The following RBFOX1 variants were observed in gnomAD, a reference collection of about 807,000 sequenced individuals.
The protein encoded by RBFOX1 is RNA binding protein fox-1 homolog 1.
A neutral mutation model predicts 57.7 loss-of-function variants in RBFOX1; 8 were observed. The ratio of observed to expected loss-of-function variants is 0.14; its 90% CI spans 0.08 to 0.25. The LOEUF (loss-of-function observed/expected upper bound fraction) is 0.25, where lower values mean the gene tolerates loss of function less well. RBFOX1 is among the 10% of genes least tolerant of loss of function. The probability of loss-of-function intolerance (pLI) is 1.00; values close to 1 mark genes in which losing one functional copy is unlikely to be tolerated. For synonymous variants in RBFOX1, 326 were observed against 222.4 expected (o/e 1.47, Z -4.15); for missense variants, 611 against 548.5 (o/e 1.11, Z -1.14).
At chr16:7,135,612 A>T (rs2071703364) in intron 4 of RBFOX1, among the ~76,000 whole-genome samples, 2 of 152,254 alleles carry the variant, frequency 1.3e-5, no homozygotes. Flanking sequence ...TAAACTTTGT[A>T]GTTGTTAATT....
rs138572003 is a variant in RBFOX1 at position 7,418,025 on chromosome 16, C to T, written c.28-100122C>T. Among the ~76,000 whole-genome samples, 4 of 152,228 alleles carry T rather than the reference C, an allele frequency of 2.6e-5. No individual in the cohort carries two copies. The South Asian group carries it at 8.3e-4, about 32-fold the overall frequency. On this transcript the variant is annotated intron_variant, in intron 4 of 15. Coordinates refer to ENST00000550418, the MANE Select transcript of RBFOX1 (RefSeq NM_018723.4). ...CCAGATGTCACTGTGTGGAGGTCCT[C>T]TATAGATTTTCAGATCACATTCAGT...
chr16:5,584,074 G>A (rs1221920686), intron 2 of RBFOX1, among the ~76,000 whole-genome samples: 1 of 152,188 alleles, frequency 6.6e-6, no homozygotes, highest in Non-Finnish European at 1.5e-5. Flanking sequence ...AGTGGCCTGT[G>A]ATGTCATGTG....
At chr16:6,527,402 C>A (rs2096596069) in intron 2 of RBFOX1, among the ~76,000 whole-genome samples, 1 of 152,022 alleles carries the variant, frequency 6.6e-6, no homozygotes, top group Non-Finnish European at 1.5e-5. Flanking sequence ...GCTACTTCGT[C>A]CTTCCCCCCA....
intron 15 of RBFOX1, chr16:7,709,646 G>A (rs1172547354): frequency 6.5e-7 from 1 of 1,528,742 alleles, no homozygotes; most frequent in Non-Finnish European, 8.8e-7. Context: ...AAATAGAGAG[G>A]GGCACACTTT....
chr16:6,848,136 G>A (rs1240038189), intron 3 of RBFOX1, among the ~76,000 whole-genome samples: 3 of 152,094 alleles, frequency 2.0e-5, no homozygotes, highest in East Asian at 1.9e-4. Flanking sequence ...CCCGATCCAA[G>A]ACTGTCTAAT....
chr16:6,847,939 C>T (rs763646671), intron 3 of RBFOX1, among the ~76,000 whole-genome samples: 30 of 151,996 alleles, frequency 2.0e-4, no homozygotes, highest in Admixed American at 3.3e-4. Context: ...AAGCAATTAT[C>T]CTGCCTCAGC....
intron 5 of RBFOX1, among the ~76,000 whole-genome samples, chr16:7,569,801 G>T (rs902335062): frequency 1.3e-5 from 2 of 152,068 alleles, no homozygotes; most frequent in Admixed American, 6.6e-5. Flanking sequence ...CTAGGAAGTT[G>T]GGATTGCAGT....
At chr16:6,340,815 C>T (rs2010737) in intron 2 of RBFOX1, among the ~76,000 whole-genome samples, 64,306 of 151,818 alleles carry the variant, frequency 0.42, 14,395 homozygotes, top group African/African-American at 0.55. Flanking sequence ...CCTCCTTTTA[C>T]GCAGCCCCTA....
At position 6,188,689 on chromosome 16, in the gene RBFOX1, G is replaced by A. The variant is rs528327056; in HGVS notation, c.-126-128306G>A. The stretch of plus-strand genomic sequence containing the variant: ...AGCTGTGAATGAAAAAATCTTGGAA[G>A]TAATGAGACTACACTGAATGAAGTG... On this transcript the variant is annotated intron_variant, in intron 1 of 15. Coordinates refer to ENST00000550418, the MANE Select transcript of RBFOX1 (RefSeq NM_018723.4). 3.3e-5 allele frequency among the ~76,000 whole-genome samples: 5 copies of A among 152,280 alleles called. No individual in the cohort carries two copies. The East Asian group carries it at 5.8e-4, about 18-fold the overall frequency.
intron 2 of RBFOX1, among the ~76,000 whole-genome samples, chr16:6,444,879 T>C (rs142099324): frequency 2.0e-5 from 3 of 152,212 alleles, no homozygotes; most frequent in East Asian, 1.9e-4. Flanking sequence ...ACACACAGGT[T>C]TGAAGCAGAA....
At chr16:7,104,692 G>A (rs1017346302) in intron 4 of RBFOX1, among the ~76,000 whole-genome samples, 4 of 152,124 alleles carry the variant, frequency 2.6e-5, no homozygotes, top group African/African-American at 9.7e-5. Context: ...CATATTCATG[G>A]TCAGTGGAGT....
chr16:5,998,567 A>G (rs2060530565), intron 4 of RBFOX1, among the ~76,000 whole-genome samples: 1 of 152,172 alleles, frequency 6.6e-6, no homozygotes, highest in African/African-American at 2.4e-5. Flanking sequence ...CCCAGCATAT[A>G]AAATGGATCA....
intron 3 of RBFOX1, among the ~76,000 whole-genome samples, chr16:5,827,842 C>T (rs2056119742): frequency 6.6e-6 from 1 of 151,988 alleles, no homozygotes; most frequent in Non-Finnish European, 1.5e-5. Flanking sequence ...GCCATCCATC[C>T]ATCCACCCAC....
chr16:6,647,325 A>G (rs1268630135), intron 2 of RBFOX1, among the ~76,000 whole-genome samples: 2 of 152,112 alleles, frequency 1.3e-5, no homozygotes. Flanking sequence ...GGCTCGCTGC[A>G]ACTTCCGCCT....
At chr16:6,999,222 TTTA>T (rs537490100) in intron 3 of RBFOX1, among the ~76,000 whole-genome samples, 3,257 of 106,512 alleles carry the variant, frequency 0.031, 83 homozygotes, top group Non-Finnish European at 0.049. Flanking sequence ...ATTTATTTTT[TTTA>T]TTTATTTTTT....
rs146987836 is a variant in RBFOX1, at chr16:6,831,163, A to C, written c.-16+176513A>C. 1.1e-3 allele frequency among the ~76,000 whole-genome samples: 168 copies of C among 152,278 alleles called. 1 individual carries two copies. In the East Asian group the frequency reaches 0.02, roughly 18 times the overall value. On this transcript the variant is annotated intron_variant, in intron 3 of 15. Transcript: ENST00000550418. ...AAGCGGTTTTGCTCATTATAATTTC[A>C]TTAGCATATTTGGAGGTGGGGAATG...
At chr16:6,568,097 G>A (rs1436015262) in intron 2 of RBFOX1, among the ~76,000 whole-genome samples, 3 of 152,140 alleles carry the variant, frequency 2.0e-5, no homozygotes, top group Non-Finnish European at 2.9e-5. Flanking sequence ...GCAGCTTTAC[G>A]GGTAATGACA....
rs71142625 is a variant in RBFOX1 at position 5,497,638 on chromosome 16, A to AAAAAAT, written c.258+30384_258+30385insAAAAAT. Among the ~76,000 whole-genome samples the AAAAAAT allele has an allele frequency of 7.1e-3, 987 of 139,424 alleles. 42 individuals are homozygous for AAAAAAT. The highest frequency in any genetic ancestry group is 0.028 in the African/African-American group (944 of 33,738). 91.5% of individuals were successfully genotyped at this position (139,424 alleles called of 152,430 possible). On this transcript the variant is annotated intron_variant, in intron 2 of 2. Transcript: ENST00000585867. ...CTAAAAATACAAAAAAAAAAAAAAA[A>AAAAAAT]GCTGGGCATGGTGGCACACACTCCC...
At chr16:6,239,485 C>CTTTTTTTT (rs59244306) in intron 1 of RBFOX1, among the ~76,000 whole-genome samples, 2 of 67,774 alleles carry the variant, frequency 3.0e-5, no homozygotes, top group Admixed American at 2.2e-4. Context: ...CCAACTGACT[C>CTTTTTTTT]TTTTTTTTTT....
Sources: allele counts gnomAD v4.1 joint callset (sites outside exome capture counted in the v4.1 genomes callset), GRCh38; gene constraint gnomAD v4.1.1; transcripts MANE v1.5; gene names NCBI Gene and HGNC (gene_info 2026-07-23, HGNC 2026-07-21).